The following PTPRQ variants were observed in gnomAD, a reference collection of about 807,000 sequenced individuals.
PTPRQ encodes protein tyrosine phosphatase receptor type Q.
PTPRQ carries 199 observed loss-of-function variants against 246.0 expected under a neutral mutation model. The observed-to-expected ratio is 0.81, with a 90% CI of 0.72 to 0.91. PTPRQ has a LOEUF of 0.91. Ranked by LOEUF, PTPRQ falls within the 40% of genes least tolerant of loss-of-function variation. The pLI is 0.00. For missense variants in PTPRQ, 2,624 were observed against 2,528.4 expected (o/e 1.04, Z -0.81); for synonymous variants, 869 against 853.2 (o/e 1.02, Z -0.32).
chr12:80,644,696 T>C (rs1900007139), intron 35 of PTPRQ, among the ~76,000 whole-genome samples: 1 of 152,136 alleles, frequency 6.6e-6, no homozygotes, highest in Non-Finnish European at 1.5e-5. Context: ...CCTTATAGTA[T>C]GTCCCATTTT....
intron 31 of PTPRQ, 23 bp downstream of exon 31, chr12:80,619,565 C>A (rs1462933761): frequency 1.5e-5 from 22 of 1,491,414 alleles, no homozygotes; most frequent in Admixed American, 4.3e-5. Context: ...GTCAATTTAT[C>A]TTGTTAAATT....
rs1565803767 is a variant in PTPRQ at position 80,588,177 on chromosome 12, G to C, written c.4334G>C (p.Ser1445Thr). Residue 1445 changes from serine (S) to threonine (T), a missense_variant, in exon 26 of 45, where the codon AGT becomes ACT. Coordinates refer to ENST00000644991, the MANE Select transcript of PTPRQ (RefSeq NM_001145026.2). ...GCTTTTTCTGATGTTCAGTCAACTA[G>C]TGCAACATTGACATGGATAAGACCT... ...NIAFSDVQST[S>T]ATLTWIRPDT... 1 of 1,548,108 alleles carries C rather than the reference G, an allele frequency of 6.5e-7. No homozygotes were observed. Among genetic ancestry groups the C allele is most frequent in the East Asian group, 2.5e-5 (1 of 40,792 alleles).
rs756343823 is a variant in PTPRQ at position 80,588,092 on chromosome 12, A to G, written c.4286-37A>G. 53 of 1,479,202 alleles carry G rather than the reference A, an allele frequency of 3.6e-5. No homozygotes were observed. In the African/African-American group the frequency reaches 5.5e-4, roughly 15 times the overall value. The allele number at this position is 1,479,202 out of a possible 1,614,324, so 91.6% of individuals were successfully genotyped here. On this transcript the variant is annotated intron_variant, in intron 25 of 44. Transcript: ENST00000644991. ...TCTTCTCTTTATGAAGTGTTTGGTA[A>G]TTGTAACTGCTTTTAATTTTTCCCT...
intron 8 of PTPRQ, among the ~76,000 whole-genome samples, chr12:80,484,020 TTTTTTGA>T (rs1307803570): frequency 3.4e-4 from 51 of 151,692 alleles, no homozygotes; most frequent in African/African-American, 1.2e-3. Flanking sequence ...TGTTTGTTTG[TTTTTTGA>T]TGGAGTCTTG....
intron 14 of PTPRQ, among the ~76,000 whole-genome samples, chr12:80,504,943 C>T (rs1894908599): frequency 6.6e-6 from 1 of 151,864 alleles, no homozygotes; most frequent in Non-Finnish European, 1.5e-5. Flanking sequence ...GAATGCATCA[C>T]ATTGCACAAG....
chr12:80,554,260 A>G (rs1896578258), intron 25 of PTPRQ, among the ~76,000 whole-genome samples: 1 of 152,184 alleles, frequency 6.6e-6, no homozygotes, highest in South Asian at 2.1e-4. Context: ...GAGGTGATGG[A>G]TACCTCATTT....
At chr12:80,597,753 A>C (rs1259567594) in intron 26 of PTPRQ, among the ~76,000 whole-genome samples, 2 of 151,966 alleles carry the variant, frequency 1.3e-5, no homozygotes, top group Non-Finnish European at 2.9e-5. Context: ...AGGACTGTTA[A>C]TTACTAAGCC....
rs957098555 is a variant in PTPRQ at position 80,445,664 on chromosome 12, A to G, written c.337A>G (p.Ser113Gly). 3 of 1,550,080 alleles carry G rather than the reference A, an allele frequency of 1.9e-6. No individual in the cohort carries two copies. The highest frequency in any genetic ancestry group is 2.6e-6 in the Non-Finnish European group (3 of 1,145,830). Residue 113 changes from serine to glycine, a missense_variant, in exon 3 of 45, where the codon AGT becomes GGT. Transcript: ENST00000644991. ...TACACAAGTCAGATCAAAGCCAGAC[A>G]GTCTGGAAGTTCTTCTTACTAATCT... The part of the protein sequence containing the change: ...VYTQVRSKPD[S>G]LEVLLTNLNP...
At chr12:80,608,703 C>A (rs12811922) in intron 27 of PTPRQ, among the ~76,000 whole-genome samples, 2,864 of 150,132 alleles carry the variant, frequency 0.019, 71 homozygotes, top group African/African-American at 0.054. Flanking sequence ...ACTAAGTAAC[C>A]CTGAGGAAGT....
intron 3 of PTPRQ, among the ~76,000 whole-genome samples, chr12:80,446,417 G>C (rs1789781454): frequency 6.6e-6 from 1 of 151,706 alleles, no homozygotes; most frequent in Non-Finnish European, 1.5e-5. Context: ...ATAAAATTTA[G>C]ACTCCAATGA....
chr12:80,534,186 G>A lies in PTPRQ; in HGVS notation c.2839+11G>A, dbSNP rs547574387. On this transcript the variant is annotated intron_variant, in intron 18 of 44. Transcript: ENST00000644991. ...AAACACCAGAGGGAGGTGAGTTAAG[G>A]ATGTATGCCAATTAAAAGAATGTTC... The A allele has an allele frequency of 1.4e-6, 2 of 1,467,418 alleles. No individual in the cohort carries two copies. Among genetic ancestry groups the A allele is most frequent in the South Asian group, 2.9e-5 (2 of 69,966 alleles). 90.9% of individuals were successfully genotyped at this position (1,467,418 alleles called of 1,614,324 possible).
intron 24 of PTPRQ, 124 bp downstream of exon 24, chr12:80,546,821 A>G: frequency 8.4e-7 from 1 of 1,188,716 alleles, no homozygotes; most frequent in Non-Finnish European, 1.2e-6. Flanking sequence ...ATTGCATTTC[A>G]GTGCTTTACG....
At position 80,588,350 on chromosome 12, in the gene PTPRQ, G is replaced by A. The variant is rs1282697675; in HGVS notation, c.4507G>A (p.Gly1503Arg). 3 of 1,548,642 alleles carry A rather than the reference G, an allele frequency of 1.9e-6. No individual in the cohort carries two copies. The South Asian group carries it at 3.6e-5, about 19-fold the overall frequency. ...TCACTTAACTGAAGAGACAGTATAT[G>A]GATTAAAGAAATTTAGATGGTATAG... Reference protein sequence around the residue: ...EAHLTEETVYGLKKFRWYRFQ... With the variant: ...EAHLTEETVYRLKKFRWYRFQ... The change falls in exon 26 of 45, where the codon GGA (glycine) becomes AGA (arginine). Residue 1503 changes from glycine (G) to arginine (R), a missense_variant. By Grantham distance (125) the Gly-to-Arg change is moderately radical. Transcript: ENST00000644991.
chr12:80,640,025 C>CGTGTGTGTGAGT (rs1899797812), intron 35 of PTPRQ, among the ~76,000 whole-genome samples: 1 of 142,906 alleles, frequency 7.0e-6, no homozygotes, highest in African/African-American at 2.5e-5. Context: ...TGAAGATACA[C>CGTGTGTGTGAGT]GTGTGTGTGT....
rs1901248988 is a variant in PTPRQ, at chr12:80,679,462, A to G, written c.*439A>G. ...TGTGGATAATTTCCAGGACTGTCAT[A>G]ATGATCTGTACTTCCATGTACACCC... On this transcript the variant is annotated 3_prime_UTR_variant, in exon 45 of 45. Transcript: ENST00000644991. 1 of 155,094 alleles carries G rather than the reference A, an allele frequency of 6.4e-6. No individual in the cohort carries two copies. The highest frequency in any genetic ancestry group is 2.0e-4 in the South Asian group (1 of 5,010). 9.6% of individuals were successfully genotyped at this position (155,094 alleles called of 1,614,324 possible). A position where few individuals can be genotyped will look rare whatever the true frequency, so the allele number is the denominator to read the frequency against.
chr12:80,554,642 C>A (rs1268729444), intron 25 of PTPRQ, among the ~76,000 whole-genome samples: 1 of 152,170 alleles, frequency 6.6e-6, no homozygotes, highest in Non-Finnish European at 1.5e-5. Flanking sequence ...TGGAAGATAT[C>A]AGGCATATGC....
chr12:80,624,170 T>A (rs892627701), intron 33 of PTPRQ, among the ~76,000 whole-genome samples: 2 of 152,076 alleles, frequency 1.3e-5, no homozygotes, highest in African/African-American at 4.8e-5. Context: ...GTAAAAGATG[T>A]GTAATGAAGG....
chr12:80,453,272 T>C (rs1300424234), intron 3 of PTPRQ, among the ~76,000 whole-genome samples: 2 of 150,126 alleles, frequency 1.3e-5, no homozygotes, highest in African/African-American at 4.8e-5. Flanking sequence ...TTCGTCTACA[T>C]TTTTTTCATA....
Position 80,506,145 on chromosome 12 carries a change from G to A in PTPRQ, c.2394G>A (p.Lys798=), listed in dbSNP as rs1235573700. 3 of 1,534,008 alleles carry A rather than the reference G, an allele frequency of 2.0e-6. No homozygotes were observed. The South Asian group carries it at 3.8e-5, about 20-fold the overall frequency. The part of the protein sequence containing the change: ...GIIQKYTIYL[K]RSNGNEERTI... The stretch of plus-strand genomic sequence containing the variant: ...TACAAAAATATACAATTTATCTCAA[G>A]AGAAGTAATGGAAATGAGGAAAGAA... The change falls in exon 15 of 45, where the codon AAG becomes AAA. Residue 798 remains lysine, a synonymous_variant. Transcript: ENST00000644991.
Sources: gnomAD v4.1 joint callset for allele counts (sites outside exome capture counted in the v4.1 genomes callset) on GRCh38, gnomAD v4.1.1 for gene constraint, MANE v1.5 for transcripts, NCBI Gene and HGNC (gene_info 2026-07-23, HGNC 2026-07-21) for gene names.